Variants in USP53 observed in about 807,000 individuals in gnomAD.
USP53 encodes the protein ubiquitin specific peptidase 53.
Under a neutral mutation model 94.9 loss-of-function variants are expected in USP53, and 71 were observed. The ratio of observed to expected loss-of-function variants is 0.75; its 90% confidence interval spans 0.62 to 0.91. The LOEUF is 0.91. Among genes scored for constraint, USP53 ranks in the 40% least tolerant of loss-of-function variants. The pLI is 0.00. For synonymous variants in USP53, 375 were observed against 422.7 expected (o/e 0.89, Z 1.39); for missense variants, 1,173 against 1,281.0 (o/e 0.92, Z 1.29).
rs990082690 is a variant in USP53, at chr4:119,231,904, A to T, written c.-664-3386A>T. Among the ~76,000 whole-genome samples, 5 of 151,820 alleles carry T rather than the reference A, an allele frequency of 3.3e-5. No individual in the cohort carries two copies. In the South Asian group the frequency reaches 1.0e-3, roughly 32 times the overall value. On this transcript the variant is annotated intron_variant, in intron 3 of 18. Coordinates refer to ENST00000692078, the MANE Select transcript of USP53 (RefSeq NM_001371395.1). The stretch of plus-strand genomic sequence containing the variant: ...GGTCACTATGCATCCTCTGCCTGGG[A>T]CGTACCAAAATTCCAGATTTCCAGA...
chr4:119,245,434 C>G lies in USP53; in HGVS notation c.237+5C>G, dbSNP rs781048711. 1.2e-6 allele frequency: 2 copies of G among 1,611,864 alleles called. No homozygotes were observed. The highest frequency in any genetic ancestry group is 1.7e-6 in the Non-Finnish European group (2 of 1,178,824). On this transcript the variant is annotated splice_donor_5th_base_variant and intron_variant, in intron 6 of 18. Coordinates refer to ENST00000692078, the MANE Select transcript of USP53 (RefSeq NM_001371395.1). Reference sequence around the variant, plus strand: ...TGTATATTTTGTGCATTGAAGGTAACCTTTTAATAGCTCTGAAAAACTACT... The same window carrying G: ...TGTATATTTTGTGCATTGAAGGTAAGCTTTTAATAGCTCTGAAAAACTACT...
At position 119,292,619 on chromosome 4, in the gene USP53, C is replaced by T; in HGVS notation, c.2630C>T (p.Ala877Val). 6.2e-7 allele frequency: 1 copy of T among 1,614,062 alleles called. No individual in the cohort carries two copies. Among genetic ancestry groups the T allele is most frequent in the Non-Finnish European group, 8.5e-7 (1 of 1,179,952 alleles). Residue 877 changes from alanine (A) to valine (V), a missense_variant, in exon 19 of 19, where the codon GCT becomes GTT. Ala to Val is a moderately conservative substitution (Grantham distance 64). Transcript: ENST00000692078. Reference sequence around the variant, plus strand: ...ACTGTTGGGTTAAAGCCAGAAACTGCTCCTCTCATCCAGCAACAAAATATC... The same window carrying T: ...ACTGTTGGGTTAAAGCCAGAAACTGTTCCTCTCATCCAGCAACAAAATATC... ...LRTVGLKPETAPLIQQQNIMD... is the reference protein window; with the variant it reads ...LRTVGLKPETVPLIQQQNIMD...
chr4:119,236,251 A>G (rs1746728468), intron 4 of USP53, among the ~76,000 whole-genome samples: 1 of 152,146 alleles, frequency 6.6e-6, no homozygotes, highest in Admixed American at 6.5e-5. Context: ...CTAAAAAGAC[A>G]ATGTATATAT....
At chr4:119,240,563 G>T (rs1747390383) in intron 5 of USP53, among the ~76,000 whole-genome samples, 1 of 152,140 alleles carries the variant, frequency 6.6e-6, no homozygotes, top group Admixed American at 6.6e-5. Context: ...AGATGAGGAA[G>T]ATTTAGAATA....
chr4:119,285,927 T>C (rs62328404), intron 17 of USP53, among the ~76,000 whole-genome samples: 15,920 of 151,928 alleles, frequency 0.1, 941 homozygotes, highest in Non-Finnish European at 0.13. Flanking sequence ...ATTTGCTTTG[T>C]AGCAAAATAG....
intron 2 of USP53, among the ~76,000 whole-genome samples, chr4:119,215,807 C>G (rs540596630): frequency 6.6e-6 from 1 of 152,054 alleles, no homozygotes; most frequent in Non-Finnish European, 1.5e-5. Flanking sequence ...CTCTGCAGTT[C>G]ATCAGAATTT....
chr4:119,228,384 T>C (rs1273355740), intron 3 of USP53, among the ~76,000 whole-genome samples: 1 of 152,210 alleles, frequency 6.6e-6, no homozygotes, highest in Non-Finnish European at 1.5e-5. Flanking sequence ...TCTCTCTTTT[T>C]CTGTCACCAG....
chr4:119,245,660 A>G (rs979253361), intron 6 of USP53, among the ~76,000 whole-genome samples: 1 of 152,212 alleles, frequency 6.6e-6, no homozygotes, highest in East Asian at 1.9e-4. Context: ...TAGGAACATT[A>G]TCTTTTTCAT....
chr4:119,254,361 C>G lies in USP53; in HGVS notation c.373-1885C>G, dbSNP rs140201196. Among the ~76,000 whole-genome samples the G allele has an allele frequency of 7.3e-3, 1,111 of 152,306 alleles. 12 individuals are homozygous for G. The highest frequency in any genetic ancestry group is 0.025 in the African/African-American group (1,048 of 41,554). ...CCCCATCACTTTCAGGTACACCAAT[C>G]AAACATAGATTTGGTCTTTTCACAT... On this transcript the variant is annotated intron_variant, in intron 7 of 18. Coordinates refer to ENST00000692078, the MANE Select transcript of USP53 (RefSeq NM_001371395.1).
At chr4:119,219,869 C>G (rs1413749231) in intron 3 of USP53, 1 of 152,174 alleles carries the variant, frequency 6.6e-6, no homozygotes, top group Non-Finnish European at 1.5e-5. Context: ...TGGTAAAGCA[C>G]TGACTCATAA....
In USP53 at chr4:119,245,312, T is replaced by C. The variant is rs568159377; in HGVS notation, c.145-25T>C. On this transcript the variant is annotated intron_variant, in intron 5 of 18. Coordinates refer to ENST00000692078, the MANE Select transcript of USP53 (RefSeq NM_001371395.1). Reference sequence around the variant, plus strand: ...TAAGAAAAATTTGTTTATTTCTTTTTCCTTAACATCTCCCTGTTTTTTAGG... The same window carrying C: ...TAAGAAAAATTTGTTTATTTCTTTTCCCTTAACATCTCCCTGTTTTTTAGG... 2.5e-6 allele frequency: 4 copies of C among 1,605,582 alleles called. No individual in the cohort carries two copies. In the South Asian group the frequency reaches 3.4e-5, roughly 14 times the overall value.
intron 4 of USP53, among the ~76,000 whole-genome samples, chr4:119,238,522 G>T (rs149113468): frequency 1.3e-5 from 2 of 152,148 alleles, no homozygotes; most frequent in Non-Finnish European, 2.9e-5. Flanking sequence ...AACAGATACA[G>T]TAATAATGAA....
At chr4:119,270,335 C>T (rs555450585) in intron 15 of USP53, among the ~76,000 whole-genome samples, 5 of 151,998 alleles carry the variant, frequency 3.3e-5, no homozygotes, top group Admixed American at 1.3e-4. Context: ...TGGCCTCAAA[C>T]GATCCTCTTA....
In USP53 at chr4:119,271,609, T is replaced by C; in HGVS notation, c.1749T>C (p.Gly583=). Residue 583 remains glycine, a synonymous_variant, in exon 16 of 19, where the codon GGT becomes GGC. Transcript: ENST00000692078. The stretch of plus-strand genomic sequence containing the variant: ...GCAGCAGTAAAAGCCGGAACCGAGG[T>C]TGGAAACCTATGAGAGAAACATTAA... ...CDSSSKSRNR[G]WKPMRETLNV... 1.2e-6 allele frequency: 2 copies of C among 1,613,582 alleles called. No homozygotes were observed. The highest frequency in any genetic ancestry group is 1.7e-6 in the Non-Finnish European group (2 of 1,180,000).
chr4:119,264,680 G>A (rs1027504137), intron 12 of USP53, among the ~76,000 whole-genome samples: 2 of 152,188 alleles, frequency 1.3e-5, no homozygotes, highest in African/African-American at 4.8e-5. Flanking sequence ...AAGACCAGTA[G>A]TTGGTGAGGA....
chr4:119,286,257 C>CT (rs35726779), intron 17 of USP53, among the ~76,000 whole-genome samples: 60,324 of 150,502 alleles, frequency 0.4, 12,310 homozygotes, highest in Non-Finnish European at 0.46. Flanking sequence ...AAACATAGGT[C>CT]TTTTTTTTAG....
chr4:119,236,553 A>G (rs562121860), intron 4 of USP53, among the ~76,000 whole-genome samples: 42 of 152,362 alleles, frequency 2.8e-4, no homozygotes, highest in African/African-American at 9.6e-4. Context: ...CTGGCACTGC[A>G]GTAATGGTTC....
chr4:119,294,352 TCTA>T lies in USP53; in HGVS notation c.*1144_*1146del, dbSNP rs1392800919. 2 of 152,124 alleles carry T rather than the reference TCTA, an allele frequency of 1.3e-5. No homozygotes were observed. Among genetic ancestry groups the T allele is most frequent in the East Asian group, 1.9e-4 (1 of 5,206 alleles). The allele number at this position is 152,124 out of a possible 1,614,324, so 9.4% of individuals were successfully genotyped here. ...TAATTAGAGCATCCTTCCCTTTTATTCTACTTTGAACAAATAGTAATTTTACCC... is the reference window on the plus strand; with the variant it reads ...TAATTAGAGCATCCTTCCCTTTTATTCTTTGAACAAATAGTAATTTTACCC... On this transcript the variant is annotated 3_prime_UTR_variant, in exon 19 of 19. Transcript: ENST00000692078.
intron 3 of USP53, chr4:119,218,020 G>C (rs1254238654): frequency 6.6e-6 from 1 of 152,216 alleles, no homozygotes; most frequent in Non-Finnish European, 1.5e-5. Flanking sequence ...ATATGTTACT[G>C]TGTAAAGGGT....
Sources: gnomAD v4.1 joint callset for allele counts (sites outside exome capture counted in the v4.1 genomes callset) on GRCh38, gnomAD v4.1.1 for gene constraint, MANE v1.5 for transcripts, NCBI Gene and HGNC (gene_info 2026-07-23, HGNC 2026-07-21) for gene names.